TACC2: variants seen among roughly 807,000 people sequenced by gnomAD.
TACC2 encodes transforming acidic coiled-coil-containing protein 2.
TACC2 carries 137 observed loss-of-function variants against 227.3 expected under a neutral mutation model. The observed-to-expected ratio is 0.60, with a 90% CI of 0.52 to 0.69. The LOEUF is 0.69. Among genes scored for constraint, TACC2 ranks in the 30% least tolerant of loss-of-function variants. The probability of loss-of-function intolerance (pLI) is 0.00; values close to 1 mark genes in which losing one functional copy is unlikely to be tolerated. For synonymous variants in TACC2, 1,523 were observed against 1,487.5 expected (o/e 1.02, Z -0.55); for missense variants, 3,470 against 3,694.4 (o/e 0.94, Z 1.57).
rs558069573 is a variant in TACC2, at chr10:122,191,976, GT to G, written c.5835-3063del. On this transcript the variant is annotated intron_variant, in intron 7 of 22. Coordinates refer to ENST00000369005, the MANE Select transcript of TACC2 (RefSeq NM_206862.4). ...ATTTTTATGTACAGACTCGTTGGGG[GT>G]GGACTGCCGAAATCCTTGCTCTTAG... Among the ~76,000 whole-genome samples the G allele has an allele frequency of 9.9e-5, 15 of 152,282 alleles. No homozygotes were observed. The East Asian group carries it at 2.9e-3, about 29-fold the overall frequency.
chr10:122,204,050 C>T (rs921830461), intron 8 of TACC2, among the ~76,000 whole-genome samples: 1 of 151,198 alleles, frequency 6.6e-6, no homozygotes, highest in Non-Finnish European at 1.5e-5. Context: ...CCCAGGCACT[C>T]GGCAGGCTGA....
At chr10:122,072,793 G>A (rs926852653) in intron 3 of TACC2, among the ~76,000 whole-genome samples, 3 of 152,008 alleles carry the variant, frequency 2.0e-5, no homozygotes, top group East Asian at 1.9e-4. Flanking sequence ...TCAACAGAGC[G>A]TAGACCCAGT....
chr10:122,185,186 C>CTT (rs761611487), intron 7 of TACC2, among the ~76,000 whole-genome samples: 2 of 138,478 alleles, frequency 1.4e-5, no homozygotes, highest in Non-Finnish European at 1.6e-5. Context: ...TCTTTTCTTT[C>CTT]TTTTTTTTTT....
intron 17 of TACC2, among the ~76,000 whole-genome samples, chr10:122,237,754 G>C (rs895169497): frequency 2.6e-5 from 4 of 152,226 alleles, no homozygotes; most frequent in Admixed American, 6.5e-5. Flanking sequence ...GCCCCTTTCA[G>C]TTGCTCCCCA....
At chr10:122,012,552 C>T (rs1195835971) in intron 1 of TACC2, among the ~76,000 whole-genome samples, 1 of 152,002 alleles carries the variant, frequency 6.6e-6, no homozygotes, top group African/African-American at 2.4e-5. Flanking sequence ...CCACTCCCAG[C>T]CAAACCTCCC....
In TACC2 at chr10:122,229,342, TC is replaced by T; in HGVS notation, c.7897-3del. The T allele has an allele frequency of 6.2e-7, 1 of 1,613,900 alleles. No individual in the cohort carries two copies. The highest frequency in any genetic ancestry group is 8.5e-7 in the Non-Finnish European group (1 of 1,179,978). On this transcript the variant is annotated splice_polypyrimidine_tract_variant and splice_region_variant and intron_variant, in intron 14 of 22. Transcript: ENST00000369005. ...TGTGTGTCCTCCTCTCTGCCGGCTTTCAGACAGCTCCCGAGGGCTCCTTTGC... is the reference window on the plus strand; with the variant it reads ...TGTGTGTCCTCCTCTCTGCCGGCTTTAGACAGCTCCCGAGGGCTCCTTTGC...
At chr10:122,169,174 G>A (rs1012655850) in intron 7 of TACC2, among the ~76,000 whole-genome samples, 7 of 152,202 alleles carry the variant, frequency 4.6e-5, no homozygotes, top group African/African-American at 7.2e-5. Context: ...TGGAGTGCAG[G>A]TGTGTGCTGT....
chr10:122,065,340 C>A (rs1314505142), intron 3 of TACC2, among the ~76,000 whole-genome samples: 2 of 152,152 alleles, frequency 1.3e-5, no homozygotes, highest in Non-Finnish European at 2.9e-5. Context: ...TTTTCATTTT[C>A]ATTCTGTTCA....
intron 3 of TACC2, among the ~76,000 whole-genome samples, chr10:122,080,752 C>A (rs1268504916): frequency 6.6e-6 from 1 of 152,128 alleles, no homozygotes; most frequent in Non-Finnish European, 1.5e-5. Context: ...CTGTATGCAT[C>A]CCTCATGTAT....
Position 122,205,554 on chromosome 10 carries a change from C to T in TACC2, c.5972-4843C>T, listed in dbSNP as rs1301298682. 6.6e-6 allele frequency among the ~76,000 whole-genome samples: 1 copy of T among 152,220 alleles called. No homozygotes were observed. Among genetic ancestry groups the T allele is most frequent in the African/African-American group, 2.4e-5 (1 of 41,466 alleles). The stretch of plus-strand genomic sequence containing the variant: ...TGGCCAAATACTAAAGTGTTACCCA[C>T]TGGAGGTTTAAGAATGAGGATAGGC... On this transcript the variant is annotated intron_variant, in intron 8 of 22. Transcript: ENST00000369005. The surrounding 1 kb of genome is among the most constrained non-coding windows in gnomAD (Gnocchi z 4.5).
intron 7 of TACC2, among the ~76,000 whole-genome samples, chr10:122,168,576 C>A (rs2093318567): frequency 6.6e-6 from 1 of 152,124 alleles, no homozygotes; most frequent in Admixed American, 6.5e-5. Flanking sequence ...CAAATATATT[C>A]CGAGGTCCTC....
intron 7 of TACC2, among the ~76,000 whole-genome samples, chr10:122,182,727 C>A (rs1305644217): frequency 2.0e-5 from 3 of 152,180 alleles, no homozygotes; most frequent in Non-Finnish European, 4.4e-5. Context: ...ATCAGCAGGG[C>A]AGCTTCCAGA....
chr10:122,204,586 A>C (rs2095039842), intron 8 of TACC2, among the ~76,000 whole-genome samples: 1 of 152,242 alleles, frequency 6.6e-6, no homozygotes, highest in Non-Finnish European at 1.5e-5. Flanking sequence ...CTGTCATCTC[A>C]GCACTTTGGG....
At chr10:121,992,799 CAAAAAAT>C (rs1285714896) in intron 1 of TACC2, among the ~76,000 whole-genome samples, 1 of 151,724 alleles carries the variant, frequency 6.6e-6, no homozygotes, top group Non-Finnish European at 1.5e-5. Flanking sequence ...TACTAAAATA[CAAAAAAT>C]TAGCCAGGCG....
At chr10:122,030,971 A>G (rs1400686518) in intron 2 of TACC2, among the ~76,000 whole-genome samples, 2 of 151,916 alleles carry the variant, frequency 1.3e-5, no homozygotes, top group African/African-American at 4.8e-5. Context: ...ACCATGATCT[A>G]CCTGGCCATC....
At chr10:122,037,757 G>A (rs1003328337) in intron 2 of TACC2, among the ~76,000 whole-genome samples, 4 of 152,174 alleles carry the variant, frequency 2.6e-5, no homozygotes, top group Non-Finnish European at 1.5e-5. Context: ...CAACAGTCAC[G>A]GCGCCTGAGT....
intron 9 of TACC2, among the ~76,000 whole-genome samples, chr10:122,212,873 G>C (rs145913904): frequency 1.3e-5 from 2 of 152,188 alleles, no homozygotes; most frequent in African/African-American, 4.8e-5. Context: ...TAGAATTCAC[G>C]TTGGAAACTT....
intron 1 of TACC2, among the ~76,000 whole-genome samples, chr10:122,001,255 T>C (rs1463654847): frequency 6.6e-6 from 1 of 152,182 alleles, no homozygotes; most frequent in Non-Finnish European, 1.5e-5. Flanking sequence ...AGGAAAGAGG[T>C]TTAATTGACT....
Position 122,201,530 on chromosome 10 carries a change from C to T in TACC2, c.5971+6354C>T, listed in dbSNP as rs532675223. 7.9e-5 allele frequency among the ~76,000 whole-genome samples: 12 copies of T among 152,366 alleles called. No individual in the cohort carries two copies. The East Asian group carries it at 2.3e-3, about 29-fold the overall frequency. ...GTGTTCATATGGGGAGGACGGTGAC[C>T]TCATGTGTCCTGTGCACCTTGGATG... On this transcript the variant is annotated intron_variant, in intron 8 of 22. Transcript: ENST00000369005.
Sources: gnomAD v4.1 joint callset for allele counts (sites outside exome capture counted in the v4.1 genomes callset) on GRCh38, gnomAD v4.1.1 for gene constraint, Gnocchi (gnomAD v3.1) non-coding constraint, MANE v1.5 for transcripts, NCBI Gene and HGNC (gene_info 2026-07-23, HGNC 2026-07-21) for gene names.